The following IQSEC3 variants were observed in gnomAD, a reference collection of about 807,000 sequenced individuals.
IQSEC3 encodes the protein IQ motif and SEC7 domain-containing protein 3.
IQSEC3 carries 50 observed loss-of-function variants against 105.4 expected under a neutral mutation model. The ratio of observed to expected loss-of-function variants is 0.47; its 90% confidence interval spans 0.38 to 0.60. The LOEUF (loss-of-function observed/expected upper bound fraction) is 0.60, where lower values mean the gene tolerates loss of function less well. Ranked by LOEUF, IQSEC3 falls within the 20% of genes least tolerant of loss-of-function variation. IQSEC3 has a pLI of 0.00. For synonymous variants in IQSEC3, 708 were observed against 746.0 expected, an observed-to-expected ratio of 0.95 and a Z score of 0.83; for missense variants, 1,415 against 1,630.0, an observed-to-expected ratio of 0.87 and a Z score of 2.27.
intron 1 of IQSEC3, among the ~76,000 whole-genome samples, chr12:91,462 C>G (rs1235702895): frequency 6.6e-6 from 1 of 152,150 alleles, no homozygotes; most frequent in East Asian, 1.9e-4. Context: ...GCGCTACTCC[C>G]CCATCTTCCT....
chr12:131,371 C>T (rs558511067), intron 3 of IQSEC3, among the ~76,000 whole-genome samples: 3 of 152,162 alleles, frequency 2.0e-5, no homozygotes, highest in African/African-American at 2.4e-5. Flanking sequence ...CCTACCCTCC[C>T]GCACCTCTCT....
chr12:174,447 A>T lies in IQSEC3; in HGVS notation c.3115-152A>T, dbSNP rs115295538. 5.0e-3 allele frequency among the ~76,000 whole-genome samples: 765 copies of T among 152,182 alleles called. 8 individuals carry two copies. Among genetic ancestry groups the T allele is most frequent in the African/African-American group, 0.017 (703 of 41,518 alleles). ...CCCCTGGGCAAAAGCCAGGGTCGCAACCCAGTCTTCTTGTGGGTGGAGAGA... is the reference window on the plus strand; with the variant it reads ...CCCCTGGGCAAAAGCCAGGGTCGCATCCCAGTCTTCTTGTGGGTGGAGAGA... On this transcript the variant is annotated intron_variant, in intron 13 of 13. Transcript: ENST00000538872.
rs185814998 is a variant in IQSEC3 at position 152,617 on chromosome 12, C to G, written c.2154-4408C>G. Among the ~76,000 whole-genome samples the G allele has an allele frequency of 6.6e-6, 1 of 152,126 alleles. No homozygotes were observed. The highest frequency in any genetic ancestry group is 1.5e-5 in the Non-Finnish European group (1 of 68,016). On this transcript the variant is annotated intron_variant, in intron 5 of 13. Transcript: ENST00000538872. This position sits in a 1 kb window ranked among gnomAD's most constrained non-coding sequence, Gnocchi z 4.8. ...CTTGAGAAGATGAGGTCATTGCACACATAGTGAAGCACTTAGAGCCATACT... is the reference window on the plus strand; with the variant it reads ...CTTGAGAAGATGAGGTCATTGCACAGATAGTGAAGCACTTAGAGCCATACT...
At position 177,750 on chromosome 12, in the gene IQSEC3, TGTCCCCAG is replaced by T. The variant is rs1443545680; in HGVS notation, c.*2718_*2725del. On this transcript the variant is annotated 3_prime_UTR_variant, in exon 14 of 14. Coordinates refer to ENST00000538872, the MANE Select transcript of IQSEC3 (RefSeq NM_001170738.2). This position sits in a 1 kb window ranked among gnomAD's most constrained non-coding sequence, Gnocchi z 5.3. Reference sequence around the variant, plus strand: ...CAAGGTTGGGACCCCTCTCCATCCCTGTCCCCAGAGCCTAGACCTCAGGGACCTAGGAA... The same window carrying T: ...CAAGGTTGGGACCCCTCTCCATCCCTAGCCTAGACCTCAGGGACCTAGGAA... 6.6e-6 allele frequency: 1 copy of T among 152,362 alleles called. No homozygotes were observed. The highest frequency in any genetic ancestry group is 2.4e-5 in the African/African-American group (1 of 41,430). The allele number at this position is 152,362 out of a possible 1,614,324, so 9.4% of individuals were successfully genotyped here. A position where few individuals can be genotyped will look rare whatever the true frequency, so the allele number is the denominator to read the frequency against.
At chr12:155,527 C>T (rs1193707983) in intron 5 of IQSEC3, among the ~76,000 whole-genome samples, 1 of 152,206 alleles carries the variant, frequency 6.6e-6, no homozygotes, top group Admixed American at 6.5e-5. Context: ...TTGTTCTCCC[C>T]AGAAACCTGT....
chr12:113,253 T>G (rs1337864152), intron 2 of IQSEC3, among the ~76,000 whole-genome samples: 1 of 152,262 alleles, frequency 6.6e-6, no homozygotes, highest in Non-Finnish European at 1.5e-5. Flanking sequence ...CCTTCTGTCC[T>G]TCTGCTTACT....
chr12:129,448 C>T (rs1470760084), intron 3 of IQSEC3, among the ~76,000 whole-genome samples: 1 of 151,904 alleles, frequency 6.6e-6, no homozygotes, highest in African/African-American at 2.4e-5. Flanking sequence ...TTCCCCAGCA[C>T]CTGTCACAAG....
chr12:125,547 T>C, intron 2 of IQSEC3, 86 bp from the exon 3 acceptor site: 1 of 1,324,568 alleles, frequency 7.5e-7, no homozygotes, highest in Non-Finnish European at 9.8e-7. Context: ...CAGGCCAGAG[T>C]GCCTAGCTTC....
intron 5 of IQSEC3, among the ~76,000 whole-genome samples, chr12:153,697 G>C (rs1467546684): frequency 6.6e-6 from 1 of 152,210 alleles, no homozygotes; most frequent in Non-Finnish European, 1.5e-5. Flanking sequence ...AACTACATCT[G>C]TTTATGCCTC....
At chr12:130,874 C>A (rs745889248) in intron 3 of IQSEC3, among the ~76,000 whole-genome samples, 2 of 152,028 alleles carry the variant, frequency 1.3e-5, no homozygotes, top group Non-Finnish European at 2.9e-5. Context: ...GCCTCACACC[C>A]GGGCTCGCCA....
Position 175,055 on chromosome 12 carries a change from G to A in IQSEC3, c.*22G>A. ...GTAGACTCTGCCCCACCACCCTGCT[G>A]TCCTGGGAGGGCTGGCCACTGGGGG... On this transcript the variant is annotated 3_prime_UTR_variant, in exon 14 of 14. Transcript: ENST00000538872. 1 of 1,486,130 alleles carries A rather than the reference G, an allele frequency of 6.7e-7. No individual in the cohort carries two copies. The highest frequency in any genetic ancestry group is 8.9e-7 in the Non-Finnish European group (1 of 1,121,616). 92.1% of individuals were successfully genotyped at this position (1,486,130 alleles called of 1,614,324 possible). A position where few individuals can be genotyped will look rare whatever the true frequency, so the allele number is the denominator to read the frequency against.
At chr12:102,965 G>T (rs1377145164) in intron 2 of IQSEC3, among the ~76,000 whole-genome samples, 2 of 152,130 alleles carry the variant, frequency 1.3e-5, no homozygotes, top group Non-Finnish European at 2.9e-5. Flanking sequence ...TGCCAGGGTA[G>T]TTAGGCCCTC....
At chr12:119,796 T>A (rs1029423888) in intron 2 of IQSEC3, among the ~76,000 whole-genome samples, 1 of 152,156 alleles carries the variant, frequency 6.6e-6, no homozygotes, top group Non-Finnish European at 1.5e-5. Context: ...TGGACAGCCC[T>A]TGGAAGGATG....
In IQSEC3 at chr12:174,942, C is replaced by T; in HGVS notation, c.3458C>T (p.Pro1153Leu). ...VTHQPPLPPPPPPYNHPHQFC... is the reference protein window; with the variant it reads ...VTHQPPLPPPLPPYNHPHQFC... ...CACCAGCCTCCGCTGCCCCCGCCCC[C>T]ACCCCCCTACAACCACCCTCACCAG... is the stretch of plus-strand genomic sequence containing the variant. The change falls in exon 14 of 14, where the codon CCA becomes CTA. Residue 1153 changes from proline to leucine, a missense_variant. Transcript: ENST00000538872. The T allele has an allele frequency of 1.9e-6, 3 of 1,542,306 alleles. No individual in the cohort carries two copies. Among genetic ancestry groups the T allele is most frequent in the Non-Finnish European group, 2.6e-6 (3 of 1,150,542 alleles).
At chr12:108,889 T>C (rs1370496830) in intron 2 of IQSEC3, among the ~76,000 whole-genome samples, 4 of 152,262 alleles carry the variant, frequency 2.6e-5, no homozygotes, top group Non-Finnish European at 4.4e-5. Flanking sequence ...GGCCGAGAGC[T>C]GCACTGTTTG....
At chr12:148,544 G>A (rs1032461448) in intron 5 of IQSEC3, 5 of 152,204 alleles carry the variant, frequency 3.3e-5, no homozygotes, top group Non-Finnish European at 5.9e-5. Context: ...TCGTCCTCAT[G>A]ACATCACCAG....
chr12:125,915 A>AC lies in IQSEC3; in HGVS notation c.903+6dup. On this transcript the variant is annotated splice_donor_region_variant and intron_variant, in intron 3 of 13. Coordinates refer to ENST00000538872, the MANE Select transcript of IQSEC3 (RefSeq NM_001170738.2). ...CCCTTGACCTAAAGAATAAACAGGT[A>AC]CCCAGGGCCTCCTAGGGGGGCGGGG... 6.5e-7 allele frequency: 1 copy of AC among 1,532,258 alleles called. No individual in the cohort carries two copies. Among genetic ancestry groups the AC allele is most frequent in the Non-Finnish European group, 8.7e-7 (1 of 1,145,886 alleles). 94.9% of individuals were successfully genotyped at this position (1,532,258 alleles called of 1,614,324 possible). A position where few individuals can be genotyped will look rare whatever the true frequency, so the allele number is the denominator to read the frequency against.
rs1555087148 is a variant in IQSEC3 at position 138,419 on chromosome 12, C to T, written c.1056C>T (p.Ser352=). ...AGAGCCGCCTGCCACGGCGGATCTC[C>T]CTGCGCAAGGTGCGGTCACCCACGG... ...LLESRLPRRI[S]LRKVRSPTAE... The change falls in exon 4 of 14, where the codon TCC becomes TCT. Residue 352 remains serine, a synonymous_variant. Coordinates refer to ENST00000538872, the MANE Select transcript of IQSEC3 (RefSeq NM_001170738.2). This position sits in a 1 kb window ranked among gnomAD's most constrained non-coding sequence, Gnocchi z 7.1. 1.2e-6 allele frequency: 2 copies of T among 1,608,836 alleles called. No homozygotes were observed. Among genetic ancestry groups the T allele is most frequent in the Admixed American group, 1.7e-5 (1 of 59,996 alleles).
intron 1 of IQSEC3, among the ~76,000 whole-genome samples, chr12:95,339 A>C (rs1202528184): frequency 6.6e-6 from 1 of 152,246 alleles, no homozygotes; most frequent in African/African-American, 2.4e-5. Flanking sequence ...TATAGATTAT[A>C]TATAATCTGT....
Sources: gnomAD v4.1 joint callset for allele counts (sites outside exome capture counted in the v4.1 genomes callset) on GRCh38, gnomAD v4.1.1 for gene constraint, Gnocchi (gnomAD v3.1) non-coding constraint, MANE v1.5 for transcripts, NCBI Gene and HGNC (gene_info 2026-07-23, HGNC 2026-07-21) for gene names.